XRCC4: variants seen among roughly 807,000 people sequenced by gnomAD.
The protein encoded by XRCC4 is X-ray repair cross complementing 4, also known as DNA repair protein XRCC4.
A neutral mutation model predicts 39.1 loss-of-function variants in XRCC4; 28 were observed. That is an observed-to-expected ratio of 0.72 (90% CI 0.53 to 0.98). XRCC4 has a LOEUF of 0.98. Among genes scored for constraint, XRCC4 ranks in the 50% least tolerant of loss-of-function variants. The probability of loss-of-function intolerance (pLI) is 0.00; values close to 1 mark genes in which losing one functional copy is unlikely to be tolerated. For missense variants in XRCC4, 350 were observed against 376.4 expected (o/e 0.93, Z 0.58); for synonymous variants, 123 against 126.4 (o/e 0.97, Z 0.18).
intron 3 of XRCC4, among the ~76,000 whole-genome samples, chr5:83,188,577 G>A (rs2112675127): frequency 6.6e-6 from 1 of 152,066 alleles, no homozygotes; most frequent in Admixed American, 6.6e-5. Flanking sequence ...GAAGCATGGT[G>A]CCAGTGTCTG....
intron 3 of XRCC4, among the ~76,000 whole-genome samples, chr5:83,145,627 C>T (rs1748416330): frequency 6.6e-6 from 1 of 152,146 alleles, no homozygotes; most frequent in South Asian, 2.1e-4. Flanking sequence ...AGCTTCTCTC[C>T]TCTGCTTCTT....
chr5:83,235,302 T>G (rs1385103158), intron 6 of XRCC4, among the ~76,000 whole-genome samples: 4 of 124,322 alleles, frequency 3.2e-5, no homozygotes, highest in African/African-American at 1.3e-4. Flanking sequence ...ACCACTATAC[T>G]CCAGCCTGGG....
At chr5:83,297,681 A>T (rs1413409132) in intron 7 of XRCC4, among the ~76,000 whole-genome samples, 2 of 151,920 alleles carry the variant, frequency 1.3e-5, no homozygotes, top group South Asian at 2.1e-4. Context: ...GTAAACTTAG[A>T]TATATGTGAC....
At chr5:83,354,727 G>T, downstream of XRCC4, among the ~76,000 whole-genome samples, 1 of 152,052 alleles carries the variant, frequency 6.6e-6, no homozygotes, top group Non-Finnish European at 1.5e-5. Context: ...CTACCACAAT[G>T]CAGTTGCTTC....
chr5:83,103,331 T>C (rs972960566), intron 1 of XRCC4, among the ~76,000 whole-genome samples: 2 of 152,108 alleles, frequency 1.3e-5, no homozygotes, highest in Non-Finnish European at 2.9e-5. Context: ...GACTCCCTTC[T>C]AACTCTAACT....
intron 1 of XRCC4, among the ~76,000 whole-genome samples, chr5:83,078,429 C>G (rs1337381123): frequency 6.6e-6 from 1 of 152,130 alleles, no homozygotes; most frequent in African/African-American, 2.4e-5. Context: ...GGAGAGAGTT[C>G]TTTTCAGAAT....
chr5:83,096,075 C>G (rs1487157632), intron 1 of XRCC4, among the ~76,000 whole-genome samples: 1 of 152,018 alleles, frequency 6.6e-6, no homozygotes, highest in Non-Finnish European at 1.5e-5. Flanking sequence ...CTGTCAGGAT[C>G]TACTGTGGGA....
At position 83,183,905 on chromosome 5, in the gene XRCC4, G is replaced by T. The variant is rs150166096; in HGVS notation, c.316-11865G>T. On this transcript the variant is annotated intron_variant, in intron 3 of 7. Coordinates refer to ENST00000396027, the MANE Select transcript of XRCC4 (RefSeq NM_003401.5). ...ATTTTCTTATTAAAAACACTTTGAA[G>T]ATTTTAAAATGTTTTTTAGACCAAT... is the stretch of plus-strand genomic sequence containing the variant. Among the ~76,000 whole-genome samples, 114 of 152,164 alleles carry T rather than the reference G, an allele frequency of 7.5e-4. 2 individuals carry two copies. Among genetic ancestry groups the T allele is most frequent in the Non-Finnish European group, 1.2e-3 (82 of 67,982 alleles).
intron 3 of XRCC4, among the ~76,000 whole-genome samples, chr5:83,144,559 C>A (rs1263040791): frequency 6.6e-5 from 6 of 90,918 alleles, no homozygotes; most frequent in Admixed American, 3.0e-4. Flanking sequence ...CCCACCCCCC[C>A]CCCCCCACCC....
chr5:83,174,991 T>C (rs936053721), intron 3 of XRCC4, among the ~76,000 whole-genome samples: 2 of 152,214 alleles, frequency 1.3e-5, no homozygotes, highest in Non-Finnish European at 2.9e-5. Flanking sequence ...CGTTCTATAA[T>C]GTAGACTGCC....
chr5:83,093,085 T>C (rs939639484), intron 1 of XRCC4, among the ~76,000 whole-genome samples: 1 of 151,768 alleles, frequency 6.6e-6, no homozygotes, highest in African/African-American at 2.4e-5. Context: ...CACTGCACTT[T>C]TGAGGACACA....
chr5:83,372,944 GA>G, the XRCC4 span, among the ~76,000 whole-genome samples: 1 of 152,152 alleles, frequency 6.6e-6, no homozygotes, highest in Admixed American at 6.5e-5. Flanking sequence ...CAGACTGCTT[GA>G]GTGCTAAAGC....
the XRCC4 span, among the ~76,000 whole-genome samples, chr5:83,363,442 T>G: frequency 6.6e-6 from 1 of 152,164 alleles, no homozygotes; most frequent in Non-Finnish European, 1.5e-5. Context: ...CTGATTAGAT[T>G]TGTGCTTTTG....
chr5:83,082,665 G>A (rs1366504700), intron 1 of XRCC4, among the ~76,000 whole-genome samples: 1 of 151,936 alleles, frequency 6.6e-6, no homozygotes. Context: ...GGCTGCCTGT[G>A]GCCTATGATG....
chr5:83,256,989 C>T lies in XRCC4; in HGVS notation c.746-1541C>T, dbSNP rs576194783. Among the ~76,000 whole-genome samples, 13 of 151,758 alleles carry T rather than the reference C, an allele frequency of 8.6e-5. No individual in the cohort carries two copies. The South Asian group carries it at 2.7e-3, about 32-fold the overall frequency. ...TACATGGAAAACCCATAGCAAAGTGCCCAAAACATAAGATCTGGAAATTGA... is the reference window on the plus strand; with the variant it reads ...TACATGGAAAACCCATAGCAAAGTGTCCAAAACATAAGATCTGGAAATTGA... On this transcript the variant is annotated intron_variant, in intron 6 of 7. Transcript: ENST00000396027.
chr5:83,195,488 C>T (rs1750898703), intron 3 of XRCC4, among the ~76,000 whole-genome samples: 1 of 152,000 alleles, frequency 6.6e-6, no homozygotes, highest in Admixed American at 6.6e-5. Context: ...TGGTAGTAAG[C>T]TTATACAGTA....
intron 7 of XRCC4, among the ~76,000 whole-genome samples, chr5:83,329,906 A>G (rs1247148479): frequency 6.6e-6 from 1 of 152,108 alleles, no homozygotes; most frequent in African/African-American, 2.4e-5. Flanking sequence ...TGGAAACTGA[A>G]TGGAGGTTGA....
At chr5:83,348,860 T>G (rs541333402) in intron 7 of XRCC4, among the ~76,000 whole-genome samples, 1 of 152,286 alleles carries the variant, frequency 6.6e-6, no homozygotes, top group African/African-American at 2.4e-5. Context: ...AGAGTAGGCT[T>G]TTAGAAGCAG....
At chr5:83,311,235 G>GTTGA (rs1175768035) in intron 7 of XRCC4, among the ~76,000 whole-genome samples, 2 of 152,128 alleles carry the variant, frequency 1.3e-5, no homozygotes, top group East Asian at 3.8e-4. Flanking sequence ...ATGAAGAGAG[G>GTTGA]TTGATTGATG....
Sources: gnomAD v4.1 joint callset for allele counts (sites outside exome capture counted in the v4.1 genomes callset) on GRCh38, gnomAD v4.1.1 for gene constraint, MANE v1.5 for transcripts, NCBI Gene and HGNC (gene_info 2026-07-23, HGNC 2026-07-21) for gene names.